The following KIF6 variants were observed in gnomAD, a reference collection of about 807,000 sequenced individuals.
KIF6 encodes the protein kinesin family member 6.
KIF6 carries 106 observed loss-of-function variants against 112.7 expected under a neutral mutation model. That is an observed-to-expected ratio of 0.94 (90% CI 0.80 to 1.11). The LOEUF is 1.11. KIF6 is among the 50% of genes least tolerant of loss of function. The pLI is 0.00. For missense variants in KIF6, 929 were observed against 964.0 expected, an observed-to-expected ratio of 0.96 and a Z score of 0.48; for synonymous variants, 339 against 339.9, an observed-to-expected ratio of 1.00 and a Z score of 0.03.
At chr6:39,573,911 G>C (rs966655119) in intron 10 of KIF6, among the ~76,000 whole-genome samples, 1 of 152,182 alleles carries the variant, frequency 6.6e-6, no homozygotes, top group Non-Finnish European at 1.5e-5. Flanking sequence ...GCCTAACATA[G>C]AGTTTTGTGA....
At chr6:39,412,308 A>G (rs990800230) in intron 15 of KIF6, among the ~76,000 whole-genome samples, 1 of 152,248 alleles carries the variant, frequency 6.6e-6, no homozygotes. Context: ...CTGCAATTTC[A>G]GTGATACCTG....
chr6:39,571,965 A>G (rs926997180), intron 10 of KIF6, among the ~76,000 whole-genome samples: 1 of 135,396 alleles, frequency 7.4e-6, no homozygotes, highest in Non-Finnish European at 1.5e-5. Context: ...TTTTCAGCTT[A>G]CTCCATGGGT....
chr6:39,677,927 T>C (rs1415782692), intron 3 of KIF6, among the ~76,000 whole-genome samples: 1 of 145,832 alleles, frequency 6.9e-6, no homozygotes, highest in East Asian at 2.0e-4. Flanking sequence ...TAATCCAGTC[T>C]ATCATTGTTG....
rs1038496297 is a variant in KIF6, at chr6:39,343,199, T to C, written c.2428+510A>G. The C allele has an allele frequency of 4.9e-6, 6 of 1,214,428 alleles. No individual in the cohort carries two copies. In the African/African-American group the frequency reaches 9.5e-5, roughly 19 times the overall value. The allele number at this position is 1,214,428 out of a possible 1,614,324, so 75.2% of individuals were successfully genotyped here. On this transcript the variant is annotated intron_variant, in intron 22 of 22. Transcript: ENST00000287152. The surrounding 1 kb of genome is among the most constrained non-coding windows in gnomAD (Gnocchi z 4.1). ...CAAGAAGAGCCTTCTTCTCTTCCTG[T>C]TGTCTGACACGCCACTCTTACTTCC...
At chr6:39,594,971 A>T (rs897129368) in intron 7 of KIF6, among the ~76,000 whole-genome samples, 1 of 151,628 alleles carries the variant, frequency 6.6e-6, no homozygotes, top group Middle Eastern at 3.4e-3. Flanking sequence ...TTAGAGATGA[A>T]TTTTTTTTTC....
chr6:39,533,890 C>T (rs1778238120), intron 13 of KIF6, among the ~76,000 whole-genome samples: 1 of 152,204 alleles, frequency 6.6e-6, no homozygotes. Flanking sequence ...CAGACAGCAG[C>T]ACTTGCGGTT....
chr6:39,418,502 C>G (rs1329359548), intron 15 of KIF6, among the ~76,000 whole-genome samples: 3 of 152,122 alleles, frequency 2.0e-5, no homozygotes, highest in Non-Finnish European at 4.4e-5. Context: ...TAATTTTGTA[C>G]TGATAGCACA....
At chr6:39,489,173 A>G (rs1337950719) in intron 13 of KIF6, among the ~76,000 whole-genome samples, 1 of 152,200 alleles carries the variant, frequency 6.6e-6, no homozygotes, top group Non-Finnish European at 1.5e-5. Context: ...TTGATTTGGT[A>G]TAATATCTGT....
At chr6:39,628,588 G>A (rs772733448) in intron 5 of KIF6, among the ~76,000 whole-genome samples, 10 of 151,900 alleles carry the variant, frequency 6.6e-5, no homozygotes, top group Admixed American at 1.3e-4. Context: ...TAAACCTTTC[G>A]GGATTGGCTT....
At chr6:39,479,043 T>TG (rs1774629241) in intron 13 of KIF6, among the ~76,000 whole-genome samples, 1 of 152,208 alleles carries the variant, frequency 6.6e-6, no homozygotes, top group South Asian at 2.1e-4. Context: ...TCTCCCAGTA[T>TG]GTGTGTTGTC....
Position 39,374,192 on chromosome 6 carries a change from G to C in KIF6, c.1861+11430C>G, listed in dbSNP as rs373116689. On this transcript the variant is annotated intron_variant, in intron 16 of 22. Coordinates refer to ENST00000287152, the MANE Select transcript of KIF6 (RefSeq NM_145027.6). ...ATCCACATGCTCAAGAATAAAATTG[G>C]ATCCCTATCTCAAACCATAAAGAAA... 3.3e-5 allele frequency among the ~76,000 whole-genome samples: 5 copies of C among 152,048 alleles called. No individual in the cohort carries two copies. In the East Asian group the frequency reaches 7.7e-4, roughly 23 times the overall value.
chr6:39,635,575 G>A (rs1784582816), intron 4 of KIF6, among the ~76,000 whole-genome samples: 1 of 152,010 alleles, frequency 6.6e-6, no homozygotes, highest in Non-Finnish European at 1.5e-5. Flanking sequence ...TGGCCCAAGA[G>A]GGCAAATCAG....
chr6:39,534,566 A>G (rs533181935), intron 13 of KIF6, among the ~76,000 whole-genome samples: 4 of 152,352 alleles, frequency 2.6e-5, no homozygotes, highest in Non-Finnish European at 2.9e-5. Context: ...ACTATGTGAA[A>G]AGACCAAACC....
chr6:39,386,450 T>C (rs1767428851), intron 15 of KIF6, among the ~76,000 whole-genome samples: 1 of 152,196 alleles, frequency 6.6e-6, no homozygotes. Context: ...TCTTTGAATA[T>C]CTGAACATTG....
chr6:39,421,090 T>C (rs750338960), intron 14 of KIF6, among the ~76,000 whole-genome samples: 19 of 152,326 alleles, frequency 1.2e-4, no homozygotes, highest in Admixed American at 2.0e-4. Context: ...AAAGAGACAA[T>C]TGAAAGCCTA....
At position 39,331,393 on chromosome 6, in the gene KIF6, T is replaced by C. The variant is rs1187334861; in HGVS notation, c.*5139A>G. On this transcript the variant is annotated 3_prime_UTR_variant, in exon 23 of 23. Transcript: ENST00000287152. ...CTTGTTTATTGTCCCTCTCTTTTTT[T>C]TTTTTTCAGAGAAGGAGTCTCGCTC... is the stretch of plus-strand genomic sequence containing the variant. 2 of 151,938 alleles carry C rather than the reference T, an allele frequency of 1.3e-5. No homozygotes were observed. The highest frequency in any genetic ancestry group is 2.9e-5 in the Non-Finnish European group (2 of 67,998). The allele number at this position is 151,938 out of a possible 1,614,324, so 9.4% of individuals were successfully genotyped here.
intron 15 of KIF6, among the ~76,000 whole-genome samples, chr6:39,407,813 A>T (rs1031136831): frequency 1.3e-5 from 2 of 152,198 alleles, no homozygotes; most frequent in Non-Finnish European, 2.9e-5. Flanking sequence ...TGATCTGGAC[A>T]TGTTTTTAGT....
chr6:39,646,451 T>A (rs993804992), intron 3 of KIF6, among the ~76,000 whole-genome samples: 2 of 152,194 alleles, frequency 1.3e-5, no homozygotes, highest in African/African-American at 4.8e-5. Context: ...CAAAGTATGC[T>A]TAGACAGGAC....
At chr6:39,621,610 G>T (rs150670891) in intron 5 of KIF6, among the ~76,000 whole-genome samples, 1 of 152,200 alleles carries the variant, frequency 6.6e-6, no homozygotes, top group Non-Finnish European at 1.5e-5. Context: ...GTTTATGTTT[G>T]ATGCACAATA....
Sources: gnomAD v4.1 joint callset for allele counts (sites outside exome capture counted in the v4.1 genomes callset) on GRCh38, gnomAD v4.1.1 for gene constraint, Gnocchi (gnomAD v3.1) non-coding constraint, MANE v1.5 for transcripts, NCBI Gene and HGNC (gene_info 2026-07-23, HGNC 2026-07-21) for gene names.